MTMR3: variants seen among roughly 807,000 people sequenced by gnomAD.
The protein encoded by MTMR3 is phosphatidylinositol-3,5-bisphosphate 3-phosphatase MTMR3.
MTMR3 carries 32 observed loss-of-function variants against 132.4 expected under a neutral mutation model. The observed-to-expected ratio is 0.24, with a 90% CI of 0.18 to 0.32. The LOEUF is 0.32. Among genes scored for constraint, MTMR3 ranks in the 10% least tolerant of loss-of-function variants. MTMR3 has a pLI of 1.00. For synonymous variants in MTMR3, 556 were observed against 550.3 expected (o/e 1.01, Z -0.14); for missense variants, 1,216 against 1,489.6 (o/e 0.82, Z 3.02).
chr22:29,900,115 A>G (rs1036516726), intron 1 of MTMR3, among the ~76,000 whole-genome samples: 14 of 152,202 alleles, frequency 9.2e-5, no homozygotes, highest in Non-Finnish European at 1.6e-4. Context: ...ATGAAATTTT[A>G]AAATTATTAA....
chr22:30,012,809 T>C, intron 13 of MTMR3: 1 of 364,618 alleles, frequency 2.7e-6, no homozygotes, highest in Non-Finnish European at 4.8e-6. Context: ...TTACAGTCTA[T>C]CTACTTGTAA....
Position 30,006,645 on chromosome 22 carries a change from C to T in MTMR3, c.672-469C>T, listed in dbSNP as rs143550840. On this transcript the variant is annotated intron_variant, in intron 9 of 19. Coordinates refer to ENST00000401950, the MANE Select transcript of MTMR3 (RefSeq NM_021090.4). ...CAATCATAGCTTTCTGCAACTTCAGCCTTCTGGGTTCAAGGGATCCTTCCA... is the reference window on the plus strand; with the variant it reads ...CAATCATAGCTTTCTGCAACTTCAGTCTTCTGGGTTCAAGGGATCCTTCCA... 680 of 156,932 alleles carry T rather than the reference C, an allele frequency of 4.3e-3. 6 individuals are homozygous for T. Among genetic ancestry groups the T allele is most frequent in the African/African-American group, 0.015 (642 of 41,586 alleles). 9.7% of individuals were successfully genotyped at this position (156,932 alleles called of 1,614,324 possible).
In MTMR3 at chr22:29,914,298, A is replaced by G. The variant is rs536435272; in HGVS notation, c.-138+30939A>G. On this transcript the variant is annotated intron_variant, in intron 1 of 19. Coordinates refer to ENST00000401950, the MANE Select transcript of MTMR3 (RefSeq NM_021090.4). ...CATTCTTACTAACTTAAGTCATTCT[A>G]GTGGGTCTGTAGCAATACATCATCA... Among the ~76,000 whole-genome samples the G allele has an allele frequency of 1.2e-4, 18 of 152,208 alleles. No homozygotes were observed. The East Asian group carries it at 3.3e-3, about 28-fold the overall frequency.
intron 1 of MTMR3, among the ~76,000 whole-genome samples, chr22:29,946,577 A>G (rs2065958095): frequency 6.6e-6 from 1 of 152,218 alleles, no homozygotes; most frequent in South Asian, 2.1e-4. Context: ...AGGAATCCGG[A>G]GGAAATGATT....
chr22:29,974,484 T>C (rs2066594436), intron 3 of MTMR3, among the ~76,000 whole-genome samples: 2 of 152,152 alleles, frequency 1.3e-5, no homozygotes, highest in South Asian at 4.1e-4. Context: ...AAAAAGAACA[T>C]TTGTTTGATT....
chr22:29,948,501 TTA>T (rs1319074606), intron 1 of MTMR3, among the ~76,000 whole-genome samples: 3 of 152,208 alleles, frequency 2.0e-5, no homozygotes, highest in Non-Finnish European at 4.4e-5. Flanking sequence ...CTTCTAGAAT[TTA>T]TGTTTAATAT....
chr22:30,002,861 C>G lies in MTMR3; in HGVS notation c.558-19C>G, dbSNP rs746161251. 1 of 1,591,156 alleles carries G rather than the reference C, an allele frequency of 6.3e-7. No individual in the cohort carries two copies. Among genetic ancestry groups the G allele is most frequent in the Non-Finnish European group, 8.6e-7 (1 of 1,159,266 alleles). The stretch of plus-strand genomic sequence containing the variant: ...TCTCTTATCCCCTTGACTCTCCCCA[C>G]TTCTCATCTTCTCTTTAGATTATGT... On this transcript the variant is annotated intron_variant, in intron 8 of 19. Transcript: ENST00000401950.
At chr22:29,964,754 C>G (rs2066380392) in intron 2 of MTMR3, among the ~76,000 whole-genome samples, 1 of 152,166 alleles carries the variant, frequency 6.6e-6, no homozygotes, top group Non-Finnish European at 1.5e-5. Context: ...TTAATCCATT[C>G]ACCCCACATC....
intron 13 of MTMR3, 21 bp downstream of exon 13, chr22:30,012,584 G>A: frequency 6.3e-7 from 1 of 1,580,986 alleles, no homozygotes; most frequent in African/African-American, 1.4e-5. Context: ...CCAAATGGGA[G>A]GGGTTGGTAC....
chr22:30,022,531 C>T, intron 18 of MTMR3, 78 bp from the exon 19 acceptor site: 1 of 1,274,568 alleles, frequency 7.8e-7, no homozygotes. Context: ...GTGACTCTTG[C>T]TGCCCCCAGC....
rs913429046 is a variant in MTMR3, at chr22:30,020,510, T to C, written c.2851T>C (p.Tyr951His). 73 of 1,614,016 alleles carry C rather than the reference T, an allele frequency of 4.5e-5. No homozygotes were observed. Among genetic ancestry groups the C allele is most frequent in the Non-Finnish European group, 6.2e-5 (73 of 1,180,032 alleles). Reference protein sequence around the residue: ...QPPGLSTLQMYPTPNGHCANG... With the variant: ...QPPGLSTLQMHPTPNGHCANG... ...CCCAGGTCTTAGCACCCTCCAGATG[T>C]ACCCCACACCCAATGGGCATTGCGC... is the stretch of plus-strand genomic sequence containing the variant. Residue 951 changes from tyrosine to histidine, a missense_variant, in exon 17 of 20, where the codon TAC (tyrosine) becomes CAC (histidine). Coordinates refer to ENST00000401950, the MANE Select transcript of MTMR3 (RefSeq NM_021090.4).
chr22:29,963,111 T>C (rs76338810), intron 2 of MTMR3, among the ~76,000 whole-genome samples: 1 of 151,796 alleles, frequency 6.6e-6, no homozygotes, highest in Admixed American at 6.6e-5. Flanking sequence ...TATCTTTTTT[T>C]CTTTTATTAT....
intron 2 of MTMR3, among the ~76,000 whole-genome samples, chr22:29,960,240 G>A (rs534515744): frequency 5.9e-5 from 9 of 152,264 alleles, no homozygotes; most frequent in African/African-American, 2.2e-4. Context: ...TTACCAAAGG[G>A]GGGAATATTG....
intron 15 of MTMR3, chr22:30,016,955 TC>T (rs2067607603): frequency 2.5e-6 from 1 of 396,922 alleles, no homozygotes; most frequent in Non-Finnish European, 4.5e-6. Flanking sequence ...TAGACATGAA[TC>T]TTTTTTGGCA....
chr22:30,015,889 C>G (rs2067576862), intron 14 of MTMR3: 1 of 152,478 alleles, frequency 6.6e-6, no homozygotes, highest in African/African-American at 2.4e-5. Flanking sequence ...TACCTCAAAG[C>G]CATTGCACCT....
At chr22:29,995,714 T>G (rs1260099594) in intron 7 of MTMR3, 1 of 152,216 alleles carries the variant, frequency 6.6e-6, no homozygotes, top group Non-Finnish European at 1.5e-5. Context: ...ATGTATTTAA[T>G]GTTGAATTGA....
intron 1 of MTMR3, among the ~76,000 whole-genome samples, chr22:29,933,733 GTTT>G (rs758195736): frequency 4.0e-5 from 5 of 124,096 alleles, no homozygotes; most frequent in Non-Finnish European, 3.4e-5. Flanking sequence ...GCAGTTCTGT[GTTT>G]TTTTTTTTTT....
At chr22:29,899,606 C>A (rs2064967318) in intron 1 of MTMR3, 1 of 152,172 alleles carries the variant, frequency 6.6e-6, no homozygotes. Flanking sequence ...GAAAGCCTCA[C>A]CAATTTGCAT....
At chr22:29,951,132 AGAGT>A (rs2066071070) in intron 1 of MTMR3, among the ~76,000 whole-genome samples, 1 of 151,782 alleles carries the variant, frequency 6.6e-6, no homozygotes, top group Non-Finnish European at 1.5e-5. Flanking sequence ...GCCTGGCCAT[AGAGT>A]GAGACTCAGT....
Sources: gnomAD v4.1 joint callset for allele counts (sites outside exome capture counted in the v4.1 genomes callset) on GRCh38, gnomAD v4.1.1 for gene constraint, MANE v1.5 for transcripts, NCBI Gene and HGNC (gene_info 2026-07-23, HGNC 2026-07-21) for gene names.